MACROD2: variants seen among roughly 807,000 people sequenced by gnomAD.
MACROD2 encodes the protein ADP-ribose glycohydrolase MACROD2.
Under a neutral mutation model 70.4 loss-of-function variants are expected in MACROD2, and 36 were observed. The observed-to-expected ratio is 0.51, with a 90% CI of 0.39 to 0.68. The LOEUF is 0.68. Ranked by LOEUF, MACROD2 falls within the 30% of genes least tolerant of loss-of-function variation. The probability of loss-of-function intolerance (pLI) is 0.00; values close to 1 mark genes in which losing one functional copy is unlikely to be tolerated. For missense variants in MACROD2, 496 were observed against 538.4 expected, an observed-to-expected ratio of 0.92 and a Z score of 0.78; for synonymous variants, 172 against 178.8, an observed-to-expected ratio of 0.96 and a Z score of 0.30.
rs371926073 is a variant in MACROD2, at chr20:15,180,681, C to T, written c.419-49259C>T. ...TTTTGTCCTTACATCTAAATATCTA[C>T]GCTCCGTGGTTACAGGCCAGACTGG... is the stretch of plus-strand genomic sequence containing the variant. On this transcript the variant is annotated intron_variant, in intron 5 of 17. Coordinates refer to ENST00000684519, the MANE Select transcript of MACROD2 (RefSeq NM_001351661.2). Among the ~76,000 whole-genome samples, 20 of 152,260 alleles carry T rather than the reference C, an allele frequency of 1.3e-4. No homozygotes were observed. In the East Asian group the frequency reaches 2.3e-3, roughly 18 times the overall value.
intron 6 of MACROD2, among the ~76,000 whole-genome samples, chr20:15,317,791 T>G (rs2077829869): frequency 2.0e-5 from 3 of 151,970 alleles, no homozygotes; most frequent in Admixed American, 2.0e-4. Flanking sequence ...TGTTGAGGTT[T>G]TCAGTTAACT....
chr20:15,338,352 A>T lies in MACROD2; in HGVS notation c.541-93053A>T, dbSNP rs928074085. On this transcript the variant is annotated intron_variant, in intron 6 of 17. Coordinates refer to ENST00000684519, the MANE Select transcript of MACROD2 (RefSeq NM_001351661.2). ...ATTCCTTTCCCAGAGAATCTAGCCA[A>T]TTCTTTTGAGGCTGGCTGCTAGCTC... Among the ~76,000 whole-genome samples, 9 of 151,558 alleles carry T rather than the reference A, an allele frequency of 5.9e-5. 1 individual carries two copies. The highest frequency in any genetic ancestry group is 1.5e-4 in the African/African-American group (6 of 40,930).
At chr20:14,509,990 C>A (rs564225659) in intron 4 of MACROD2, among the ~76,000 whole-genome samples, 1 of 152,028 alleles carries the variant, frequency 6.6e-6, no homozygotes, top group African/African-American at 2.4e-5. Context: ...TTTATATTCC[C>A]TTTTAAAAGT....
chr20:14,857,862 C>T (rs769223417), intron 5 of MACROD2, among the ~76,000 whole-genome samples: 1 of 143,166 alleles, frequency 7.0e-6, no homozygotes, highest in Admixed American at 6.9e-5. Flanking sequence ...CTCTTGTCGC[C>T]CAGGCTGGAG....
intron 3 of MACROD2, among the ~76,000 whole-genome samples, chr20:14,335,469 A>G (rs1027606851): frequency 6.6e-6 from 1 of 152,328 alleles, no homozygotes; most frequent in South Asian, 2.1e-4. Context: ...AAGCAAAAGA[A>G]ACATACCTTC....
chr20:15,811,232 A>G (rs2147087411), intron 8 of MACROD2, among the ~76,000 whole-genome samples: 1 of 151,846 alleles, frequency 6.6e-6, no homozygotes, highest in East Asian at 1.9e-4. Flanking sequence ...AACTCAAACA[A>G]ATTTACAAGA....
intron 6 of MACROD2, among the ~76,000 whole-genome samples, chr20:15,381,044 G>A (rs2146278007): frequency 6.6e-6 from 1 of 152,128 alleles, no homozygotes; most frequent in South Asian, 2.1e-4. Context: ...ATTGACTACA[G>A]GTACAAAAGG....
At chr20:15,551,886 AG>A (rs1332400658) in intron 8 of MACROD2, among the ~76,000 whole-genome samples, 14 of 151,028 alleles carry the variant, frequency 9.3e-5, no homozygotes, top group East Asian at 1.9e-4. Flanking sequence ...AAAAAAAAAA[AG>A]AATATTTTAT....
At chr20:15,906,142 G>A (rs982922247) in intron 10 of MACROD2, among the ~76,000 whole-genome samples, 5 of 152,302 alleles carry the variant, frequency 3.3e-5, no homozygotes, top group African/African-American at 4.8e-5. Flanking sequence ...AGCGAAAGTG[G>A]AATGTTTTTG....
At chr20:15,607,270 GAC>G (rs1015141798) in intron 8 of MACROD2, among the ~76,000 whole-genome samples, 6 of 152,184 alleles carry the variant, frequency 3.9e-5, no homozygotes, top group African/African-American at 1.4e-4. Context: ...ATTGCCTTCT[GAC>G]ACATTTTATT....
intron 9 of MACROD2, among the ~76,000 whole-genome samples, chr20:15,877,947 G>T (rs1023725568): frequency 1.3e-5 from 2 of 152,190 alleles, no homozygotes; most frequent in Non-Finnish European, 1.5e-5. Flanking sequence ...ATCTATTTCA[G>T]GTGTCTGTCC....
At chr20:15,290,296 A>G (rs539246295) in intron 6 of MACROD2, among the ~76,000 whole-genome samples, 3 of 152,334 alleles carry the variant, frequency 2.0e-5, no homozygotes, top group African/African-American at 7.2e-5. Flanking sequence ...TCTAACTAAA[A>G]TAAGCATTAT....
chr20:14,823,278 C>A (rs564545016), intron 5 of MACROD2, among the ~76,000 whole-genome samples: 2 of 152,176 alleles, frequency 1.3e-5, no homozygotes, highest in South Asian at 4.1e-4. Context: ...ACTGAGACTA[C>A]AATCAAACCT....
intron 2 of MACROD2, among the ~76,000 whole-genome samples, chr20:14,046,250 A>G (rs958220693): frequency 6.6e-6 from 1 of 152,218 alleles, no homozygotes; most frequent in African/African-American, 2.4e-5. Context: ...CCTCTAAACT[A>G]TAACAATGAA....
intron 5 of MACROD2, chr20:14,894,936 C>G (rs1461069803): frequency 1.3e-5 from 2 of 152,018 alleles, no homozygotes; most frequent in Non-Finnish European, 2.9e-5. Flanking sequence ...TGATTGATTG[C>G]AATCAAGTAT....
At chr20:14,696,618 T>C (rs749562690) in intron 5 of MACROD2, among the ~76,000 whole-genome samples, 24 of 152,210 alleles carry the variant, frequency 1.6e-4, no homozygotes, top group Admixed American at 6.5e-5. Flanking sequence ...AGCTTGCCTC[T>C]TCCTACCTGT....
At chr20:15,582,586 C>T (rs372471364) in intron 8 of MACROD2, among the ~76,000 whole-genome samples, 13 of 152,308 alleles carry the variant, frequency 8.5e-5, no homozygotes, top group South Asian at 4.1e-4. Context: ...AAAGTCCCTC[C>T]GCACGACTCA....
At chr20:15,066,912 G>GAACTA (rs1287067834) in intron 5 of MACROD2, among the ~76,000 whole-genome samples, 1 of 149,924 alleles carries the variant, frequency 6.7e-6, no homozygotes, top group Non-Finnish European at 1.5e-5. Flanking sequence ...TAAGTGCAGC[G>GAACTA]AACTACAGGC....
At chr20:14,036,141 C>CA (rs1188474410) in intron 2 of MACROD2, among the ~76,000 whole-genome samples, 1,200 of 100,312 alleles carry the variant, frequency 0.012, 13 homozygotes, top group African/African-American at 0.036. Flanking sequence ...GACTCCGTCT[C>CA]AAAAAAAAAA....
Sources: gnomAD v4.1 joint callset for allele counts (sites outside exome capture counted in the v4.1 genomes callset) on GRCh38, gnomAD v4.1.1 for gene constraint, MANE v1.5 for transcripts, NCBI Gene and HGNC (gene_info 2026-07-23, HGNC 2026-07-21) for gene names.